Variants in CUX2 observed in about 807,000 individuals in gnomAD.
CUX2 encodes the protein homeobox protein cut-like 2.
Under a neutral mutation model 144.8 loss-of-function variants are expected in CUX2, and 40 were observed. The ratio of observed to expected loss-of-function variants is 0.28; its 90% confidence interval spans 0.21 to 0.36. The LOEUF is 0.36. CUX2 is among the 10% of genes least tolerant of loss of function. The pLI is 1.00. For missense variants in CUX2, 1,615 were observed against 1,994.0 expected (o/e 0.81, Z 3.62); for synonymous variants, 827 against 875.6 (o/e 0.94, Z 0.98).
In CUX2 at chr12:111,099,575, C is replaced by T. The variant is rs575212179; in HGVS notation, c.63+65335C>T. 82 of 456,714 alleles carry T rather than the reference C, an allele frequency of 1.8e-4. 1 individual carries two copies. The highest frequency in any genetic ancestry group is 1.3e-3 in the South Asian group (82 of 64,568). 28.3% of individuals were successfully genotyped at this position (456,714 alleles called of 1,614,324 possible). ...GGCAGACCTGCCATTTGAAAGCCAC[C>T]ATCCTCATGTGTAGCCCTCACATGG... is the stretch of plus-strand genomic sequence containing the variant. On this transcript the variant is annotated intron_variant, in intron 1 of 21. Coordinates refer to ENST00000261726, the MANE Select transcript of CUX2 (RefSeq NM_015267.4).
chr12:111,339,349 G>A lies in CUX2; in HGVS notation c.3385+875G>A, dbSNP rs145054241. Among the ~76,000 whole-genome samples the A allele has an allele frequency of 6.2e-4, 94 of 152,200 alleles. No homozygotes were observed. In the East Asian group the frequency reaches 0.013, roughly 22 times the overall value. On this transcript the variant is annotated intron_variant, in intron 20 of 21. Transcript: ENST00000261726. The stretch of plus-strand genomic sequence containing the variant: ...CCAACTGTCTATTTCCCAAAACTCT[G>A]TGTACCTCCCTCCCTCCTCTGCCTC...
chr12:111,317,511 C>G (rs1305173218), intron 16 of CUX2, among the ~76,000 whole-genome samples: 2 of 152,152 alleles, frequency 1.3e-5, no homozygotes, highest in Admixed American at 6.6e-5. Flanking sequence ...TTGCCCAACC[C>G]AAGATTTAGA....
chr12:111,195,190 C>G (rs1880164742), intron 1 of CUX2, among the ~76,000 whole-genome samples: 1 of 152,164 alleles, frequency 6.6e-6, no homozygotes, highest in Non-Finnish European at 1.5e-5. Flanking sequence ...CATGTGAAAC[C>G]ACTTTTAAAA....
At chr12:111,335,011 C>T (rs927318066) in intron 19 of CUX2, among the ~76,000 whole-genome samples, 3 of 152,234 alleles carry the variant, frequency 2.0e-5, no homozygotes, top group African/African-American at 7.2e-5. Flanking sequence ...AGGAGAATCG[C>T]GTGAGCCCAG....
chr12:111,204,901 T>C (rs1880822890), intron 1 of CUX2, among the ~76,000 whole-genome samples: 3 of 152,226 alleles, frequency 2.0e-5, no homozygotes, highest in African/African-American at 4.8e-5. Context: ...GGCTTGGCTC[T>C]TTGATCCGAA....
intron 1 of CUX2, among the ~76,000 whole-genome samples, chr12:111,208,109 G>T (rs1014511585): frequency 1.2e-4 from 18 of 152,160 alleles, no homozygotes; most frequent in African/African-American, 4.3e-4. Context: ...TTTTAAACCA[G>T]GAGGGACATA....
intron 18 of CUX2, among the ~76,000 whole-genome samples, chr12:111,323,927 C>T (rs1340089826): frequency 6.6e-6 from 1 of 152,048 alleles, no homozygotes; most frequent in Non-Finnish European, 1.5e-5. Flanking sequence ...GTAGCATGTG[C>T]CTGTAAGGGT....
In CUX2 at chr12:111,295,520, A is replaced by G; in HGVS notation, c.637+111A>G. 1.1e-6 allele frequency: 1 copy of G among 901,598 alleles called. No homozygotes were observed. Among genetic ancestry groups the G allele is most frequent in the Non-Finnish European group, 1.7e-6 (1 of 600,380 alleles). 55.8% of individuals were successfully genotyped at this position (901,598 alleles called of 1,614,324 possible). ...CACATCCAGGTGTTTTAGAATCAAG[A>G]GGGCAAAATGGGAGTTTGGGAAGAA... On this transcript the variant is annotated intron_variant, in intron 7 of 21. Transcript: ENST00000261726. The surrounding 1 kb of genome is among the most constrained non-coding windows in gnomAD (Gnocchi z 5.0).
At chr12:111,211,249 G>A (rs1056093664) in intron 1 of CUX2, among the ~76,000 whole-genome samples, 3 of 152,286 alleles carry the variant, frequency 2.0e-5, no homozygotes, top group South Asian at 2.1e-4. Context: ...CAGTGACTTC[G>A]TCTGCTCGAG....
chr12:111,184,403 T>TTG (rs929417542), intron 1 of CUX2, among the ~76,000 whole-genome samples: 24 of 151,802 alleles, frequency 1.6e-4, no homozygotes, highest in African/African-American at 5.8e-4. Flanking sequence ...GAGTAGGGGA[T>TTG]TGGAAGTAAC....
At chr12:111,337,609 C>T (rs1306453788) in intron 19 of CUX2, among the ~76,000 whole-genome samples, 1 of 152,186 alleles carries the variant, frequency 6.6e-6, no homozygotes, top group Non-Finnish European at 1.5e-5. Context: ...CTGCTTGCTC[C>T]GAAGCTGTGC....
In CUX2 at chr12:111,333,540, C is replaced by T. The variant is rs189023007; in HGVS notation, c.2927-901C>T. ...TTCTGAAGAGTAGAGGCTGTTATTT[C>T]CTGGACAGTCTGAGTTTGGTTGCCT... On this transcript the variant is annotated intron_variant, in intron 18 of 21. Transcript: ENST00000261726. 6.6e-3 allele frequency among the ~76,000 whole-genome samples: 1,009 copies of T among 152,204 alleles called. 10 individuals carry two copies. Among genetic ancestry groups the T allele is most frequent in the African/African-American group, 0.022 (931 of 41,548 alleles).
intron 1 of CUX2, among the ~76,000 whole-genome samples, chr12:111,118,572 C>A (rs1480709433): frequency 6.6e-6 from 1 of 152,142 alleles, no homozygotes; most frequent in Non-Finnish European, 1.5e-5. Flanking sequence ...CAAGCTGTAC[C>A]ATTCGCCTCC....
chr12:111,249,065 G>A (rs896990329), intron 3 of CUX2, among the ~76,000 whole-genome samples: 1 of 152,190 alleles, frequency 6.6e-6, no homozygotes, highest in Non-Finnish European at 1.5e-5. Context: ...CCCCAGTCTC[G>A]TGTGTCGTGT....
At chr12:111,259,031 C>CTCTG (rs1351800495) in intron 3 of CUX2, among the ~76,000 whole-genome samples, 1 of 132,218 alleles carries the variant, frequency 7.6e-6, no homozygotes, top group East Asian at 2.3e-4. Context: ...CCACACCCAG[C>CTCTG]TGTGTGTGTG....
chr12:111,095,773 T>C (rs1872778309), intron 1 of CUX2, among the ~76,000 whole-genome samples: 1 of 152,208 alleles, frequency 6.6e-6, no homozygotes, highest in Non-Finnish European at 1.5e-5. Context: ...CCATCACTAC[T>C]TTTTCTCTCC....
rs1379623574 is a variant in CUX2, at chr12:111,347,987, C to A, written c.4123C>A (p.Pro1375Thr). ...QESEAGERLHPDPLSFKSASE... is the reference protein window; with the variant it reads ...QESEAGERLHTDPLSFKSASE... ...GAGTGAGGCCGGGGAGCGACTTCACCCGGACCCTTTAAGTTTTAAGTCAGC... is the reference window on the plus strand; with the variant it reads ...GAGTGAGGCCGGGGAGCGACTTCACACGGACCCTTTAAGTTTTAAGTCAGC... Residue 1375 changes from proline to threonine, a missense_variant, in exon 22 of 22, where the codon CCG (proline) becomes ACG (threonine). This residue lies in a region of CUX2 where 298 missense variants were observed against 330.4 expected (regional missense o/e 0.90). Transcript: ENST00000261726. The A allele has an allele frequency of 1.2e-6, 2 of 1,614,000 alleles. No homozygotes were observed. Among genetic ancestry groups the A allele is most frequent in the African/African-American group, 1.3e-5 (1 of 74,906 alleles).
At position 111,312,205 on chromosome 12, in the gene CUX2, A is replaced by C; in HGVS notation, c.2002+4A>C. 1 of 1,602,662 alleles carries C rather than the reference A, an allele frequency of 6.2e-7. No homozygotes were observed. Among genetic ancestry groups the C allele is most frequent in the Non-Finnish European group, 8.5e-7 (1 of 1,173,444 alleles). On this transcript the variant is annotated splice_donor_region_variant and intron_variant, in intron 16 of 21. Transcript: ENST00000261726. This position sits in a 1 kb window ranked among gnomAD's most constrained non-coding sequence, Gnocchi z 4.3. ...GAGATCGAGTCGCAGAAGGGCGGTG[A>C]GTGTGACCCCTGCAGGCAAAGCCTG...
rs778027274 is a variant in CUX2 at position 111,310,721 on chromosome 12, G to A, written c.1900+39G>A. ...AGGGCCCGTCCCCGCTGGCCACCACGCCAGGTCCAGGGCATCAGGGCTGGG... is the reference window on the plus strand; with the variant it reads ...AGGGCCCGTCCCCGCTGGCCACCACACCAGGTCCAGGGCATCAGGGCTGGG... On this transcript the variant is annotated intron_variant, in intron 15 of 21. Coordinates refer to ENST00000261726, the MANE Select transcript of CUX2 (RefSeq NM_015267.4). This position sits in a 1 kb window ranked among gnomAD's most constrained non-coding sequence, Gnocchi z 7.9. 8.4e-6 allele frequency: 13 copies of A among 1,546,536 alleles called. No individual in the cohort carries two copies. Among genetic ancestry groups the A allele is most frequent in the South Asian group, 1.2e-5 (1 of 81,382 alleles).
Sources: gnomAD v4.1 joint callset for allele counts (sites outside exome capture counted in the v4.1 genomes callset) on GRCh38, gnomAD v4.1.1 for gene constraint, gnomAD v4.1.1 regional missense constraint, Gnocchi (gnomAD v3.1) non-coding constraint, MANE v1.5 for transcripts, NCBI Gene and HGNC (gene_info 2026-07-23, HGNC 2026-07-21) for gene names.